Variants in ENPP5 observed in about 807,000 individuals in gnomAD.
ENPP5 encodes the protein ectonucleotide pyrophosphatase/phosphodiesterase family member 5.
In ENPP5, 27 loss-of-function variants were observed where a neutral mutation model predicts 33.7. The observed-to-expected ratio is 0.80, with a 90% CI of 0.59 to 1.11. The LOEUF is 1.11. ENPP5 is among the 50% of genes least tolerant of loss of function. ENPP5 has a pLI of 0.00. For missense variants in ENPP5, 552 were observed against 579.2 expected, an observed-to-expected ratio of 0.95 and a Z score of 0.48; for synonymous variants, 199 against 200.5, an observed-to-expected ratio of 0.99 and a Z score of 0.06.
In ENPP5 at chr6:46,161,741, C is replaced by A. The variant is rs1249265065; in HGVS notation, c.1019G>T (p.Gly340Val). 1.2e-6 allele frequency: 2 copies of A among 1,608,456 alleles called. No homozygotes were observed. Among genetic ancestry groups the A allele is most frequent in the African/African-American group, 2.7e-5 (2 of 75,000 alleles). Reference sequence around the variant, plus strand: ...CATATCTGCTAACGCATTATCGTAACCGTGGTTGCCTACTGTAAAGAGAAA... The same window carrying A: ...CATATCTGCTAACGCATTATCGTAAACGTGGTTGCCTACTGTAAAGAGAAA... ...KSDDFLLGNH[G>V]YDNALADMHP... The change falls in exon 5 of 5, where the codon GGT (glycine) becomes GTT (valine). Residue 340 changes from glycine to valine, a missense_variant. Gly to Val is a moderately radical substitution (Grantham distance 109). Coordinates refer to ENST00000371383, the MANE Select transcript of ENPP5 (RefSeq NM_001290072.2).
intron 4 of ENPP5, among the ~76,000 whole-genome samples, chr6:46,164,077 A>G (rs1057021449): frequency 6.6e-6 from 1 of 152,232 alleles, no homozygotes; most frequent in African/African-American, 2.4e-5. Context: ...AATGGCAACA[A>G]AAGCCAAAAT....
Position 46,165,431 on chromosome 6 carries a change from T to A in ENPP5, c.962A>T (p.Asp321Val). ...SRIQPIIAVA[D>V]EGWHILQNKS... ...ATTCTGTAAAATGTGCCACCCTTCA[T>A]CAGCCACTGCTATGATTGGTTGAAT... Residue 321 changes from aspartate (D) to valine (V), a missense_variant, in exon 4 of 5, where the codon GAT (aspartate) becomes GTT (valine). Physicochemically the swap from Asp to Val is radical, Grantham distance 152 (BLOSUM62 -3). Transcript: ENST00000371383. 2 of 1,601,008 alleles carry A rather than the reference T, an allele frequency of 1.2e-6. No individual in the cohort carries two copies. The highest frequency in any genetic ancestry group is 8.5e-7 in the Non-Finnish European group (1 of 1,176,826).
Position 46,167,460 on chromosome 6 carries a change from G to A in ENPP5, c.803C>T (p.Pro268Leu). The A allele has an allele frequency of 6.2e-7, 1 of 1,608,256 alleles. No homozygotes were observed. Among genetic ancestry groups the A allele is most frequent in the South Asian group, 1.1e-5 (1 of 90,862 alleles). Residue 268 changes from proline (P) to leucine (L), a missense_variant, in exon 3 of 5, where the codon CCA becomes CTA. Coordinates refer to ENST00000371383, the MANE Select transcript of ENPP5 (RefSeq NM_001290072.2). Reference protein sequence around the residue: ...KDHYTLIDQSPVAAILPKEGK... With the variant: ...KDHYTLIDQSLVAAILPKEGK... Reference sequence around the variant, plus strand: ...TTCTTTTGGCAAGATGGCTGCTACTGGAGATTGATCAATCAGGGTATAGTG... The same window carrying A: ...TTCTTTTGGCAAGATGGCTGCTACTAGAGATTGATCAATCAGGGTATAGTG...
At chr6:46,168,766 T>TTATATATATATGTGTGCA (rs1554176192) in intron 2 of ENPP5, among the ~76,000 whole-genome samples, 12 of 151,510 alleles carry the variant, frequency 7.9e-5, no homozygotes, top group Non-Finnish European at 1.6e-4. Flanking sequence ...TACATATATA[T>TTATATATATATGTGTGCA]TATATATATA....
In ENPP5 at chr6:46,165,408, T is replaced by C. The variant is rs778857831; in HGVS notation, c.985A>G (p.Asn329Asp). 6.3e-7 allele frequency: 1 copy of C among 1,586,474 alleles called. No individual in the cohort carries two copies. Among genetic ancestry groups the C allele is most frequent in the Non-Finnish European group, 8.5e-7 (1 of 1,171,832 alleles). ...TCACACAGAAAGTCATCTGACTTAT[T>C]CTGTAAAATGTGCCACCCTTCATCA... ...VADEGWHILQ[N>D]KSDDFLLGNH... Residue 329 changes from asparagine to aspartate, a missense_variant, in exon 4 of 5, where the codon AAT becomes GAT. Asn to Asp is a conservative substitution (Grantham distance 23). Transcript: ENST00000371383.
intron 4 of ENPP5, chr6:46,164,915 T>C (rs1343507911): frequency 1.3e-5 from 2 of 152,334 alleles, no homozygotes; most frequent in African/African-American, 4.8e-5. Context: ...ATTTTTTGTA[T>C]TTTTTTAGTA....
chr6:46,170,741 T>A (rs1417172420), intron 1 of ENPP5, 67 bp downstream of exon 1: 5 of 152,002 alleles, frequency 3.3e-5, no homozygotes, highest in Non-Finnish European at 7.3e-5. Flanking sequence ...GAGGGGACGT[T>A]GCTTTAGGGA....
rs769704673 is a variant in ENPP5 at position 46,168,022 on chromosome 6, T to G, written c.241A>C (p.Thr81Pro). ...KTYPNHYTLVTGLFAENHGIV... is the reference protein window; with the variant it reads ...KTYPNHYTLVPGLFAENHGIV... ...CCATGATTCTCTGCAAAGAGGCCAGTTACCAAAGTATAATGGTTAGGGTAG... is the reference window on the plus strand; with the variant it reads ...CCATGATTCTCTGCAAAGAGGCCAGGTACCAAAGTATAATGGTTAGGGTAG... Residue 81 changes from threonine to proline, a missense_variant, in exon 3 of 5, where the codon ACT (threonine) becomes CCT (proline). Transcript: ENST00000371383. 1.2e-6 allele frequency: 2 copies of G among 1,614,248 alleles called. No individual in the cohort carries two copies. The highest frequency in any genetic ancestry group is 2.2e-5 in the South Asian group (2 of 91,084).
chr6:46,165,223 T>TA (rs1764506617), intron 4 of ENPP5, 164 bp downstream of exon 4: 3 of 538,332 alleles, frequency 5.6e-6, no homozygotes, highest in Non-Finnish European at 9.3e-6. Flanking sequence ...GACCAATATC[T>TA]AAAAAAAGCA....
chr6:46,167,747 T>C lies in ENPP5; in HGVS notation c.516A>G (p.Glu172=). The C allele has an allele frequency of 6.2e-7, 1 of 1,614,138 alleles. No homozygotes were observed. Among genetic ancestry groups the C allele is most frequent in the Non-Finnish European group, 8.5e-7 (1 of 1,180,026 alleles). ...SFEDRVAKII[E]WFTSKEPINL... Reference sequence around the variant, plus strand: ...TTATGGGCTCTTTTGACGTAAACCATTCAATAATTTTGGCAACTCTATCTT... The same window carrying C: ...TTATGGGCTCTTTTGACGTAAACCACTCAATAATTTTGGCAACTCTATCTT... Residue 172 remains glutamate, a synonymous_variant, in exon 3 of 5, where the codon GAA becomes GAG. Coordinates refer to ENST00000371383, the MANE Select transcript of ENPP5 (RefSeq NM_001290072.2).
intron 3 of ENPP5, among the ~76,000 whole-genome samples, chr6:46,167,099 T>C (rs1434286108): frequency 6.6e-6 from 1 of 152,222 alleles, no homozygotes; most frequent in Non-Finnish European, 1.5e-5. Context: ...TAACTGTACA[T>C]GCATTCAAGT....
At position 46,165,448 on chromosome 6, in the gene ENPP5, T is replaced by A; in HGVS notation, c.945A>T (p.Pro315=). The part of the protein sequence containing the change: ...WHYKYNSRIQ[P]IIAVADEGWH... Reference sequence around the variant, plus strand: ...ACCCTTCATCAGCCACTGCTATGATTGGTTGAATTCGACTGTTGTATTTGT... The same window carrying A: ...ACCCTTCATCAGCCACTGCTATGATAGGTTGAATTCGACTGTTGTATTTGT... Residue 315 remains proline, a synonymous_variant, in exon 4 of 5, where the codon CCA becomes CCT. Coordinates refer to ENST00000371383, the MANE Select transcript of ENPP5 (RefSeq NM_001290072.2). 1 of 1,609,916 alleles carries A rather than the reference T, an allele frequency of 6.2e-7. No homozygotes were observed. Among genetic ancestry groups the A allele is most frequent in the Admixed American group, 1.7e-5 (1 of 58,502 alleles).
chr6:46,165,348 A>C (rs758998046), intron 4 of ENPP5, 39 bp downstream of exon 4: 62 of 1,457,570 alleles, frequency 4.3e-5, no homozygotes, highest in Non-Finnish European at 5.4e-5. Context: ...TTTAGCAAAA[A>C]GTAATGCAGA....
At position 46,165,571 on chromosome 6, in the gene ENPP5, G is replaced by A. The variant is rs1439064650; in HGVS notation, c.830-8C>T. 1 of 1,547,432 alleles carries A rather than the reference G, an allele frequency of 6.5e-7. No homozygotes were observed. Among genetic ancestry groups the A allele is most frequent in the Admixed American group, 2.1e-5 (1 of 46,574 alleles). ...AGACTTCATCAAATTTACCTAAAGA[G>A]AAGGGAGGAGAGGCACTCAGAACAA... On this transcript the variant is annotated splice_polypyrimidine_tract_variant and splice_region_variant and intron_variant, in intron 3 of 4. Transcript: ENST00000371383.
intron 3 of ENPP5, 102 bp downstream of exon 3, chr6:46,167,330 CAA>C: frequency 1.3e-6 from 1 of 740,806 alleles, no homozygotes; most frequent in Non-Finnish European, 2.3e-6. Flanking sequence ...ATGACACAGG[CAA>C]AGTCTACTTT....
rs1182315213 is a variant in ENPP5 at position 46,161,754 on chromosome 6, C to T, written c.1007-1G>A. 5 of 1,602,044 alleles carry T rather than the reference C, an allele frequency of 3.1e-6. No homozygotes were observed. The highest frequency in any genetic ancestry group is 1.7e-5 in the Admixed American group (1 of 59,712). On this transcript the variant is annotated splice_acceptor_variant, in intron 4 of 4. Transcript: ENST00000371383. LOFTEE classifies it high-confidence loss of function. ...GCATTATCGTAACCGTGGTTGCCTA[C>T]TGTAAAGAGAAAATATGTGAAAAAG...
At position 46,167,971 on chromosome 6, in the gene ENPP5, G is replaced by A; in HGVS notation, c.292C>T (p.Pro98Ser). 1 of 1,614,098 alleles carries A rather than the reference G, an allele frequency of 6.2e-7. No homozygotes were observed. Among genetic ancestry groups the A allele is most frequent in the Non-Finnish European group, 8.5e-7 (1 of 1,180,018 alleles). Residue 98 changes from proline to serine, a missense_variant, in exon 3 of 5, where the codon CCT becomes TCT. By Grantham distance (74) the Pro-to-Ser change is moderately conservative. Coordinates refer to ENST00000371383, the MANE Select transcript of ENPP5 (RefSeq NM_001290072.2). ...HGIVANDMFDPIRNKSFSLDH... is the reference protein window; with the variant it reads ...HGIVANDMFDSIRNKSFSLDH... ...AAGGAGAAAGATTTGTTCCGAATAGGATCAAACATATCATTTGCAACAATC... is the reference window on the plus strand; with the variant it reads ...AAGGAGAAAGATTTGTTCCGAATAGAATCAAACATATCATTTGCAACAATC...
At position 46,161,282 on chromosome 6, in the gene ENPP5, T is replaced by G. The variant is rs1764382755; in HGVS notation, c.*44A>C. 1 of 1,514,176 alleles carries G rather than the reference T, an allele frequency of 6.6e-7. No homozygotes were observed. Among genetic ancestry groups the G allele is most frequent in the African/African-American group, 1.4e-5 (1 of 72,470 alleles). The allele number at this position is 1,514,176 out of a possible 1,614,324, so 93.8% of individuals were successfully genotyped here. On this transcript the variant is annotated 3_prime_UTR_variant, in exon 5 of 5. Coordinates refer to ENST00000371383, the MANE Select transcript of ENPP5 (RefSeq NM_001290072.2). Reference sequence around the variant, plus strand: ...TGAAACCTTTAAACACTGACATAATTATGGAATCTCCACTTCAATATGCAA... The same window carrying G: ...TGAAACCTTTAAACACTGACATAATGATGGAATCTCCACTTCAATATGCAA...
chr6:46,164,542 G>T (rs1371512420), intron 4 of ENPP5, among the ~76,000 whole-genome samples: 1 of 152,112 alleles, frequency 6.6e-6, no homozygotes, highest in Non-Finnish European at 1.5e-5. Flanking sequence ...CCAATCTATT[G>T]TGTAACTGTA....
Sources: gnomAD v4.1 joint callset for allele counts (sites outside exome capture counted in the v4.1 genomes callset) on GRCh38, gnomAD v4.1.1 for gene constraint, MANE v1.5 for transcripts, NCBI Gene and HGNC (gene_info 2026-07-23, HGNC 2026-07-21) for gene names.